COMMD1: variants seen among roughly 807,000 people sequenced by gnomAD.
COMMD1 encodes copper metabolism domain containing 1.
COMMD1 carries 10 observed loss-of-function variants against 17.2 expected under a neutral mutation model. That is an observed-to-expected ratio of 0.58 (90% CI 0.36 to 0.99). COMMD1 has a LOEUF of 0.99. COMMD1 is among the 50% of genes least tolerant of loss of function. The pLI is 0.01. For synonymous variants in COMMD1, 97 were observed against 91.6 expected (o/e 1.06, Z -0.34); for missense variants, 270 against 231.8 (o/e 1.17, Z -1.07).
intron 1 of COMMD1, among the ~76,000 whole-genome samples, chr2:61,907,242 G>A: frequency 6.6e-6 from 1 of 152,128 alleles, no homozygotes; most frequent in Admixed American, 6.5e-5. Flanking sequence ...GAGTAGCTGG[G>A]GTTACAGGCA....
chr2:61,946,127 A>G (rs981791009), intron 1 of COMMD1, among the ~76,000 whole-genome samples: 1 of 152,160 alleles, frequency 6.6e-6, no homozygotes, highest in Admixed American at 6.5e-5. Flanking sequence ...TTTTACACAG[A>G]TATAACTTAA....
intron 1 of COMMD1, among the ~76,000 whole-genome samples, chr2:61,998,741 T>G (rs2103798284): frequency 6.6e-6 from 1 of 152,292 alleles, no homozygotes; most frequent in East Asian, 1.9e-4. Flanking sequence ...ATCAGATATG[T>G]GTGACTTTTT....
At chr2:62,120,222 A>T (rs1202305933) in intron 2 of COMMD1, among the ~76,000 whole-genome samples, 6 of 149,384 alleles carry the variant, frequency 4.0e-5, no homozygotes, top group Non-Finnish European at 7.4e-5. Flanking sequence ...CTAGTCTTGA[A>T]CTCCCCAGAC....
chr2:61,919,801 C>T (rs1294687280), intron 1 of COMMD1, among the ~76,000 whole-genome samples: 2 of 152,100 alleles, frequency 1.3e-5, no homozygotes, highest in East Asian at 3.8e-4. Flanking sequence ...ACTATTGTCT[C>T]GTCTTTTACA....
chr2:62,003,264 G>A (rs1365998508), intron 2 of COMMD1, among the ~76,000 whole-genome samples: 21 of 150,758 alleles, frequency 1.4e-4, no homozygotes, highest in African/African-American at 4.9e-4. Flanking sequence ...AAAACAGGCC[G>A]GGTGTGGTGG....
intron 2 of COMMD1, among the ~76,000 whole-genome samples, chr2:62,056,531 C>T (rs187931359): frequency 1.8e-4 from 27 of 152,290 alleles, no homozygotes; most frequent in Middle Eastern, 3.4e-3. Flanking sequence ...AGGAGAATGA[C>T]GACTGTGTTT....
chr2:62,082,005 T>C (rs928187195), intron 2 of COMMD1, among the ~76,000 whole-genome samples: 1 of 152,198 alleles, frequency 6.6e-6, no homozygotes, highest in African/African-American at 2.4e-5. Context: ...AATTTCCCTT[T>C]TTTGGTAGTT....
At chr2:62,045,215 G>A (rs982691088) in intron 2 of COMMD1, among the ~76,000 whole-genome samples, 12 of 152,174 alleles carry the variant, frequency 7.9e-5, no homozygotes, top group Non-Finnish European at 1.5e-4. Context: ...CTTACGTGCT[G>A]AGTCTGTCTC....
chr2:61,904,287 A>T (rs1278259340), upstream of COMMD1, among the ~76,000 whole-genome samples: 1 of 152,344 alleles, frequency 6.6e-6, no homozygotes, highest in East Asian at 1.9e-4. Flanking sequence ...CTGGGATTAG[A>T]GGCGTGAGCC....
At chr2:62,054,796 C>T (rs954686110) in intron 2 of COMMD1, among the ~76,000 whole-genome samples, 9 of 152,146 alleles carry the variant, frequency 5.9e-5, no homozygotes, top group Non-Finnish European at 1.0e-4. Flanking sequence ...CCCTAAAAGC[C>T]GTGACTTGAC....
chr2:61,890,829 A>C (rs1669413104), intron 1 of COMMD1, among the ~76,000 whole-genome samples: 1 of 728 alleles, frequency 1.4e-3, no homozygotes, highest in African/African-American at 2.6e-3. Context: ...TTTGTCTCAA[A>C]AAAAAAAAAA....
chr2:61,954,838 A>G (rs1053333857), intron 1 of COMMD1, among the ~76,000 whole-genome samples: 1 of 152,006 alleles, frequency 6.6e-6, no homozygotes, highest in East Asian at 1.9e-4. Flanking sequence ...TGGGATTACA[A>G]TAGTTTTTCT....
chr2:62,082,691 CT>C (rs1671557452), intron 2 of COMMD1, among the ~76,000 whole-genome samples: 2 of 152,232 alleles, frequency 1.3e-5, no homozygotes, highest in South Asian at 4.1e-4. Context: ...GAAACATCGT[CT>C]CTACTAAAAA....
chr2:62,074,335 C>G (rs1381183478), intron 2 of COMMD1, among the ~76,000 whole-genome samples: 1 of 152,254 alleles, frequency 6.6e-6, no homozygotes, highest in Non-Finnish European at 1.5e-5. Context: ...AGCCCCATCC[C>G]TGTAATCACA....
intron 2 of COMMD1, among the ~76,000 whole-genome samples, chr2:62,085,924 G>A (rs780297627): frequency 1.4e-4 from 22 of 152,040 alleles, no homozygotes; most frequent in Non-Finnish European, 2.9e-4. Context: ...CTTGCAGTGA[G>A]CCCAGATCGT....
rs149062263 is a variant in COMMD1 at position 61,939,607 on chromosome 2, A to T, written c.180+33749A>T. ...CAGTGTCTCCAGTTGTTTTGTTCTA[A>T]AAGACTCTTACTGAACTTATGCAAA... On this transcript the variant is annotated intron_variant, in intron 1 of 2. Transcript: ENST00000311832. Among the ~76,000 whole-genome samples the T allele has an allele frequency of 1.9e-4, 29 of 152,260 alleles. No homozygotes were observed. The East Asian group carries it at 5.4e-3, about 28-fold the overall frequency.
intron 2 of COMMD1, among the ~76,000 whole-genome samples, chr2:62,104,709 C>T (rs1311630335): frequency 6.6e-6 from 1 of 151,728 alleles, no homozygotes; most frequent in South Asian, 2.1e-4. Context: ...GTTCTTCCCA[C>T]CAGCCAGTAA....
chr2:62,058,521 A>T (rs1369675217), intron 2 of COMMD1, among the ~76,000 whole-genome samples: 2 of 152,056 alleles, frequency 1.3e-5, no homozygotes, highest in Non-Finnish European at 1.5e-5. Context: ...TATACCTGTA[A>T]TTGCAGCACT....
At chr2:62,100,789 T>C (rs144663483) in intron 2 of COMMD1, among the ~76,000 whole-genome samples, 3,513 of 152,300 alleles carry the variant, frequency 0.023, 51 homozygotes, top group Admixed American at 0.052. Context: ...TACTAGACTT[T>C]AGCTAATCTC....
Sources: allele counts gnomAD v4.1 joint callset (sites outside exome capture counted in the v4.1 genomes callset), GRCh38; gene constraint gnomAD v4.1.1; transcripts MANE v1.5; gene names NCBI Gene and HGNC (gene_info 2026-07-23, HGNC 2026-07-21).